Variants in CGN observed in about 807,000 individuals in gnomAD.
The protein encoded by CGN is cingulin.
In CGN, 121 loss-of-function variants were observed where a neutral mutation model predicts 157.1. The observed-to-expected ratio is 0.77, with a 90% CI of 0.66 to 0.90. The LOEUF (loss-of-function observed/expected upper bound fraction) is 0.90, where lower values mean the gene tolerates loss of function less well. Ranked by LOEUF, CGN falls within the 40% of genes least tolerant of loss-of-function variation. CGN has a pLI of 0.00. For missense variants in CGN, 1,424 were observed against 1,520.9 expected (o/e 0.94, Z 1.06); for synonymous variants, 535 against 607.5 (o/e 0.88, Z 1.76).
chr1:151,524,754 G>A lies in CGN; in HGVS notation c.1482G>A (p.Glu494=). The A allele has an allele frequency of 1.9e-6, 3 of 1,611,960 alleles. No individual in the cohort carries two copies. Among genetic ancestry groups the A allele is most frequent in the Non-Finnish European group, 2.5e-6 (3 of 1,179,648 alleles). Residue 494 remains glutamate (E), a synonymous_variant, in exon 8 of 21, where the codon GAG becomes GAA. Coordinates refer to ENST00000271636, the MANE Select transcript of CGN (RefSeq NM_020770.3). This position sits in a 1 kb window ranked among gnomAD's most constrained non-coding sequence, Gnocchi z 4.4. ...QRVEEQLRLR[E]RELTALKGAL... is the part of the protein sequence containing the mutation. Reference sequence around the variant, plus strand: ...TAGAGGAGCAGCTGAGGCTGCGGGAGCGGGAGTTGACAGCCCTGAAGGGGG... The same window carrying A: ...TAGAGGAGCAGCTGAGGCTGCGGGAACGGGAGTTGACAGCCCTGAAGGGGG...
rs1664798327 is a variant in CGN at position 151,530,088 on chromosome 1, A to G, written c.2286A>G (p.Arg762=). The G allele has an allele frequency of 6.2e-7, 1 of 1,613,440 alleles. No homozygotes were observed. Among genetic ancestry groups the G allele is most frequent in the Non-Finnish European group, 8.5e-7 (1 of 1,179,516 alleles). ...LVDGGEAVEA[R]LRDKLQRLEA... ...ATGGTGGGGAAGCGGTGGAGGCACG[A>G]CTACGGGACAAGCTGCAGCGGCTGG... Residue 762 remains arginine (R), a synonymous_variant, in exon 12 of 21, where the codon CGA becomes CGG. Coordinates refer to ENST00000271636, the MANE Select transcript of CGN (RefSeq NM_020770.3).
chr1:151,516,875 T>C (rs1664426660), intron 1 of CGN, among the ~76,000 whole-genome samples: 1 of 151,408 alleles, frequency 6.6e-6, no homozygotes, highest in Non-Finnish European at 1.5e-5. Flanking sequence ...ATTTAAATAT[T>C]TTTGGCTGGG....
In CGN at chr1:151,524,901, C is replaced by T. The variant is rs55898807; in HGVS notation, c.1614+15C>T. 5.7e-3 allele frequency: 9,149 copies of T among 1,603,858 alleles called. 425 individuals are homozygous for T. In the African/African-American group the frequency reaches 0.11, roughly 19 times the overall value. The stretch of plus-strand genomic sequence containing the variant: ...ATGCAACCCAGGCATGTGACAAGAG[C>T]AGGGTCTGAGAGAGGAGGGCACTGC... On this transcript the variant is annotated intron_variant, in intron 8 of 20. Coordinates refer to ENST00000271636, the MANE Select transcript of CGN (RefSeq NM_020770.3). The surrounding 1 kb of genome is among the most constrained non-coding windows in gnomAD (Gnocchi z 4.4).
chr1:151,525,392 C>T (rs1217073402), intron 8 of CGN, among the ~76,000 whole-genome samples: 1 of 152,130 alleles, frequency 6.6e-6, no homozygotes, highest in Non-Finnish European at 1.5e-5. Context: ...CAGCGAGACT[C>T]TGTCCCCCTA....
chr1:151,510,308 T>TC (rs1314320117), upstream of CGN, among the ~76,000 whole-genome samples: 1 of 152,294 alleles, frequency 6.6e-6, no homozygotes, highest in African/African-American at 2.4e-5. Flanking sequence ...CCTCTTCTAC[T>TC]CCAATAGATA....
intron 3 of CGN, 73 bp downstream of exon 3, chr1:151,520,339 C>T (rs1455588903): frequency 6.4e-7 from 1 of 1,563,546 alleles, no homozygotes; most frequent in Non-Finnish European, 8.8e-7. Context: ...TCCCATCTTC[C>T]CTGATTTTAC....
At chr1:151,532,644 G>C in intron 14 of CGN, 72 bp downstream of exon 14, 5 of 1,197,694 alleles carry the variant, frequency 4.2e-6, no homozygotes, top group South Asian at 2.2e-5. Context: ...GTCCGAGACA[G>C]AGTCTCACTC....
In CGN at chr1:151,530,342, G is replaced by A. The variant is rs1571667432; in HGVS notation, c.2314-147G>A. ...ATTTCTCACCCTTTGCTTGCTCTAT[G>A]TGTCCTGATTTCTTTGCTAGGAGCC... On this transcript the variant is annotated intron_variant, in intron 12 of 20. Coordinates refer to ENST00000271636, the MANE Select transcript of CGN (RefSeq NM_020770.3). 4 of 1,070,770 alleles carry A rather than the reference G, an allele frequency of 3.7e-6. No homozygotes were observed. The Admixed American group carries it at 7.1e-5, about 19-fold the overall frequency. The allele number at this position is 1,070,770 out of a possible 1,614,324, so 66.3% of individuals were successfully genotyped here.
chr1:151,518,654 T>A lies in CGN; in HGVS notation c.135T>A (p.Asp45Glu), dbSNP rs1467654884. The change falls in exon 2 of 21, where the codon GAT becomes GAA. Residue 45 changes from aspartate to glutamate, a missense_variant. Physicochemically the swap from Asp to Glu is conservative, Grantham distance 45. Around this residue, in one of 3 missense-constraint regions of CGN, gnomAD observed 1,187 missense variants for 1,217.6 expected, o/e 0.97. Coordinates refer to ENST00000271636, the MANE Select transcript of CGN (RefSeq NM_020770.3). ...LRRGGRRPAK[D>E]ARASTYGVAV... The stretch of plus-strand genomic sequence containing the variant: ...GAGGTGGACGACGCCCAGCTAAGGA[T>A]GCAAGAGCCAGTACCTACGGGGTTG... 6.2e-7 allele frequency: 1 copy of A among 1,613,970 alleles called. No individual in the cohort carries two copies. The highest frequency in any genetic ancestry group is 1.7e-5 in the Admixed American group (1 of 59,988).
In CGN at chr1:151,530,580, T is replaced by TA; in HGVS notation, c.2406dup (p.Glu803ArgfsTer37). The TA allele has an allele frequency of 6.2e-7, 1 of 1,611,102 alleles. No individual in the cohort carries two copies. Among genetic ancestry groups the TA allele is most frequent in the Non-Finnish European group, 8.5e-7 (1 of 1,178,702 alleles). On this transcript the variant is annotated frameshift_variant, in exon 13 of 21. Coordinates refer to ENST00000271636, the MANE Select transcript of CGN (RefSeq NM_020770.3). LOFTEE classifies it high-confidence loss of function. ...GCCAAGCGGGCACTGGAGGCACGCC[T>TA]AGAGGAGGCTCAGCGGGGGCTGGCC... is the stretch of plus-strand genomic sequence containing the variant.
chr1:151,518,917 T>C lies in CGN; in HGVS notation c.398T>C (p.Leu133Pro). 1 of 1,614,106 alleles carries C rather than the reference T, an allele frequency of 6.2e-7. No homozygotes were observed. The highest frequency in any genetic ancestry group is 8.5e-7 in the Non-Finnish European group (1 of 1,179,982). Residue 133 changes from leucine (L) to proline (P), a missense_variant, in exon 2 of 21, where the codon CTC becomes CCC. Leu to Pro is a moderately conservative substitution (Grantham distance 98). Transcript: ENST00000271636. ...GGGGCCTACTGGAATGGAAAGCTAC[T>C]CCGTTCCCACTCCCAGGCCTCACTG... ...EPGAYWNGKLLRSHSQASLAG... is the reference protein window; with the variant it reads ...EPGAYWNGKLPRSHSQASLAG...
At chr1:151,522,478 A>C (rs1664564064) in intron 5 of CGN, among the ~76,000 whole-genome samples, 1 of 151,452 alleles carries the variant, frequency 6.6e-6, no homozygotes, top group African/African-American at 2.4e-5. Context: ...TACAAAAATT[A>C]GTTGGGCATG....
intron 12 of CGN, 86 bp from the exon 13 acceptor site, chr1:151,530,403 T>G: frequency 6.9e-7 from 1 of 1,456,598 alleles, no homozygotes; most frequent in South Asian, 1.4e-5. Flanking sequence ...AAATACCTCC[T>G]TTCTCCTGCC....
At chr1:151,516,784 C>T (rs1238017071) in intron 1 of CGN, among the ~76,000 whole-genome samples, 1 of 150,978 alleles carries the variant, frequency 6.6e-6, no homozygotes, top group African/African-American at 2.4e-5. Flanking sequence ...TCAGGTGATC[C>T]ACACGCCTTG....
intron 10 of CGN, chr1:151,527,834 C>CAT: frequency 4.0e-6 from 1 of 248,574 alleles, no homozygotes; most frequent in South Asian, 4.3e-5. Flanking sequence ...CACACACACA[C>CAT]ACACGAAAGA....
rs999105820 is a variant in CGN at position 151,524,980 on chromosome 1, A to G, written c.1614+94A>G. 1.0e-6 allele frequency: 1 copy of G among 992,376 alleles called. No individual in the cohort carries two copies. Among genetic ancestry groups the G allele is most frequent in the Non-Finnish European group, 1.5e-6 (1 of 659,702 alleles). The allele number at this position is 992,376 out of a possible 1,614,324, so 61.5% of individuals were successfully genotyped here. On this transcript the variant is annotated intron_variant, in intron 8 of 20. Transcript: ENST00000271636. This position sits in a 1 kb window ranked among gnomAD's most constrained non-coding sequence, Gnocchi z 4.4. ...GACTTTTGGACTTTTCATGGTTGCA[A>G]CTGGGAACTCCCCCTCTCCTCCTAA...
intron 1 of CGN, among the ~76,000 whole-genome samples, chr1:151,518,019 G>T (rs1478062662): frequency 6.6e-6 from 1 of 151,958 alleles, no homozygotes; most frequent in African/African-American, 2.4e-5. Context: ...GTTTATTTTT[G>T]TATTTTTTGT....
chr1:151,519,471 C>T, intron 2 of CGN, 79 bp downstream of exon 2: 1 of 1,306,802 alleles, frequency 7.7e-7, no homozygotes, highest in South Asian at 1.5e-5. Context: ...CAGCCATGAG[C>T]CTCCTTGCTA....
chr1:151,530,832 G>C, intron 13 of CGN, 86 bp downstream of exon 13: 1 of 1,410,818 alleles, frequency 7.1e-7, no homozygotes, highest in Non-Finnish European at 9.7e-7. Context: ...TGGGGGAGAG[G>C]GGTTAGTCAG....
Sources: allele counts gnomAD v4.1 joint callset (sites outside exome capture counted in the v4.1 genomes callset), GRCh38; gene constraint gnomAD v4.1.1; regional missense constraint gnomAD v4.1.1; non-coding constraint Gnocchi (gnomAD v3.1); transcripts MANE v1.5; gene names NCBI Gene and HGNC (gene_info 2026-07-23, HGNC 2026-07-21).